The following CEP128 variants were observed in gnomAD, a reference collection of about 807,000 sequenced individuals.
CEP128 encodes the protein centrosomal protein 128.
A neutral mutation model predicts 156.7 loss-of-function variants in CEP128; 132 were observed. The ratio of observed to expected loss-of-function variants is 0.84; its 90% CI spans 0.73 to 0.97. The LOEUF (loss-of-function observed/expected upper bound fraction) is 0.97, where lower values mean the gene tolerates loss of function less well. Among genes scored for constraint, CEP128 ranks in the 50% least tolerant of loss-of-function variants. CEP128 has a pLI of 0.00. For missense variants in CEP128, 1,252 were observed against 1,281.9 expected (o/e 0.98, Z 0.36); for synonymous variants, 469 against 448.9 (o/e 1.04, Z -0.57).
Position 80,593,128 on chromosome 14 carries a change from T to C in CEP128, c.2807-12705A>G, listed in dbSNP as rs184849818. On this transcript the variant is annotated intron_variant, in intron 19 of 24. Transcript: ENST00000555265. ...CCTCTCTCACCACTCCTATTCAACATAGTATTGGAAGTTCTGGCCAGGGCA... is the reference window on the plus strand; with the variant it reads ...CCTCTCTCACCACTCCTATTCAACACAGTATTGGAAGTTCTGGCCAGGGCA... Among the ~76,000 whole-genome samples the C allele has an allele frequency of 4.4e-3, 672 of 152,188 alleles. 6 individuals carry two copies. Among genetic ancestry groups the C allele is most frequent in the African/African-American group, 0.013 (538 of 41,510 alleles).
intron 14 of CEP128, among the ~76,000 whole-genome samples, chr14:80,484,002 G>C (rs1458330236): frequency 6.6e-6 from 1 of 151,654 alleles, no homozygotes; most frequent in Non-Finnish European, 1.5e-5. Flanking sequence ...TCTGAGACAG[G>C]GTCCCACTCT....
intron 19 of CEP128, among the ~76,000 whole-genome samples, chr14:80,738,478 G>A (rs1397415879): frequency 4.6e-5 from 7 of 152,014 alleles, no homozygotes; most frequent in African/African-American, 1.7e-4. Flanking sequence ...TATCACATTA[G>A]ATTAAAATCA....
At chr14:80,809,574 T>C (rs921155269) in intron 13 of CEP128, among the ~76,000 whole-genome samples, 3 of 152,068 alleles carry the variant, frequency 2.0e-5, no homozygotes, top group African/African-American at 7.2e-5. Flanking sequence ...AGTCAAACTG[T>C]CTAAAGTGAA....
At chr14:80,547,957 C>T (rs1890055155) in intron 21 of CEP128, among the ~76,000 whole-genome samples, 1 of 152,076 alleles carries the variant, frequency 6.6e-6, no homozygotes, top group Non-Finnish European at 1.5e-5. Flanking sequence ...CGCCACCACG[C>T]CCAGCTAATT....
At chr14:80,667,948 G>A (rs2371333) in intron 19 of CEP128, among the ~76,000 whole-genome samples, 77,867 of 151,466 alleles carry the variant, frequency 0.51, 23,840 homozygotes, top group East Asian at 0.71. Flanking sequence ...ATAGTATCCC[G>A]CCCAAAGTAC....
At chr14:80,819,736 G>A (rs903584028) in intron 13 of CEP128, among the ~76,000 whole-genome samples, 7 of 152,080 alleles carry the variant, frequency 4.6e-5, no homozygotes, top group Admixed American at 2.6e-4. Flanking sequence ...GGTTGTTCTA[G>A]GAAAACCAAC....
chr14:80,701,720 A>G (rs1897081518), intron 19 of CEP128, among the ~76,000 whole-genome samples: 1 of 152,144 alleles, frequency 6.6e-6, no homozygotes, highest in Admixed American at 6.5e-5. Flanking sequence ...CATCTTAAAC[A>G]TGGGACTTCT....
chr14:80,950,411 A>C (rs1054448276), intron 2 of CEP128, among the ~76,000 whole-genome samples: 3 of 152,172 alleles, frequency 2.0e-5, no homozygotes, highest in African/African-American at 7.2e-5. Flanking sequence ...GATGTTCAAA[A>C]AGTGTTATAT....
chr14:80,741,475 TCC>T (rs2139589285), intron 19 of CEP128, among the ~76,000 whole-genome samples: 1 of 152,222 alleles, frequency 6.6e-6, no homozygotes, highest in African/African-American at 2.4e-5. Context: ...TACAGGAATT[TCC>T]AAATTCCAAA....
intron 14 of CEP128, among the ~76,000 whole-genome samples, chr14:80,787,288 T>C (rs559404345): frequency 1.3e-5 from 2 of 152,292 alleles, no homozygotes; most frequent in African/African-American, 2.4e-5. Context: ...CATACAGTTG[T>C]AGGACTTTGG....
chr14:80,563,048 A>G (rs555422294), intron 20 of CEP128, among the ~76,000 whole-genome samples: 1 of 152,228 alleles, frequency 6.6e-6, no homozygotes, highest in South Asian at 2.1e-4. Flanking sequence ...AATTACAACA[A>G]AATAAATTAT....
intron 19 of CEP128, among the ~76,000 whole-genome samples, chr14:80,667,724 G>T (rs973666368): frequency 1.3e-5 from 2 of 151,952 alleles, no homozygotes; most frequent in African/African-American, 2.4e-5. Context: ...TGGGTGTGGT[G>T]GTGGGTGCCT....
intron 6 of CEP128, among the ~76,000 whole-genome samples, chr14:80,904,121 A>G (rs906415897): frequency 3.9e-5 from 6 of 152,176 alleles, no homozygotes; most frequent in African/African-American, 1.4e-4. Context: ...GGATACAGAA[A>G]ATGTAGTATA....
At chr14:80,556,407 T>C (rs1890438015) in intron 21 of CEP128, among the ~76,000 whole-genome samples, 1 of 152,170 alleles carries the variant, frequency 6.6e-6, no homozygotes, top group African/African-American at 2.4e-5. Flanking sequence ...CAAATGTTTA[T>C]TGATTGTCTA....
At chr14:80,632,265 T>G (rs918916052) in intron 19 of CEP128, among the ~76,000 whole-genome samples, 1 of 151,726 alleles carries the variant, frequency 6.6e-6, no homozygotes, top group African/African-American at 2.4e-5. Flanking sequence ...TAGTATTGTA[T>G]ACATAGAATT....
In CEP128 at chr14:80,497,502, T is replaced by C. The variant is rs750120604; in HGVS notation, c.3262A>G (p.Lys1088Glu). The change falls in exon 25 of 25, where the codon AAA (lysine) becomes GAA (glutamate). Residue 1088 changes from lysine (K) to glutamate (E), a missense_variant. By Grantham distance (56) the Lys-to-Glu change is moderately conservative. Transcript: ENST00000555265. ...TTTTAGCTCCCATATTCCTCTTTTT[T>C]GGGTTGTGAACTTGTTCCATTCATT... ...ATMNGTSSQP[K>E]KEEYGS The C allele has an allele frequency of 2.5e-6, 4 of 1,612,056 alleles. No homozygotes were observed. The highest frequency in any genetic ancestry group is 3.3e-4 in the Middle Eastern group (2 of 6,076).
At chr14:80,587,934 C>T (rs1891888119) in intron 19 of CEP128, among the ~76,000 whole-genome samples, 1 of 152,034 alleles carries the variant, frequency 6.6e-6, no homozygotes, top group Non-Finnish European at 1.5e-5. Context: ...AAAGTTTATC[C>T]TATGCTCTGT....
At chr14:80,637,159 G>C (rs1305353322) in intron 19 of CEP128, among the ~76,000 whole-genome samples, 1 of 151,118 alleles carries the variant, frequency 6.6e-6, no homozygotes, top group African/African-American at 2.4e-5. Flanking sequence ...CCTGCAATCA[G>C]AGCTCTTAGA....
chr14:80,898,173 A>G (rs1889436556), intron 7 of CEP128, among the ~76,000 whole-genome samples: 1 of 152,218 alleles, frequency 6.6e-6, no homozygotes. Context: ...GTGTACTTTT[A>G]TTATTCAATG....
Sources: allele counts gnomAD v4.1 joint callset (sites outside exome capture counted in the v4.1 genomes callset), GRCh38; gene constraint gnomAD v4.1.1; transcripts MANE v1.5; gene names NCBI Gene and HGNC (gene_info 2026-07-23, HGNC 2026-07-21).